SYNE1: variants seen among roughly 807,000 people sequenced by gnomAD.
The protein encoded by SYNE1 is spectrin repeat containing nuclear envelope protein 1, also known as nesprin-1.
SYNE1 carries 616 observed loss-of-function variants against 1,111.0 expected under a neutral mutation model. That is an observed-to-expected ratio of 0.55 (90% CI 0.52 to 0.59). SYNE1 has a LOEUF of 0.59. Among genes scored for constraint, SYNE1 ranks in the 20% least tolerant of loss-of-function variants. SYNE1 has a pLI of 0.00. For synonymous variants in SYNE1, 3,855 were observed against 3,825.8 expected (o/e 1.01, Z -0.28); for missense variants, 10,006 against 10,417.0 (o/e 0.96, Z 1.72).
In SYNE1 at chr6:152,318,217, A is replaced by T. The variant is rs746338402; in HGVS notation, c.16436T>A (p.Leu5479Ter). 1 of 1,614,182 alleles carries T rather than the reference A, an allele frequency of 6.2e-7. No individual in the cohort carries two copies. Among genetic ancestry groups the T allele is most frequent in the Non-Finnish European group, 8.5e-7 (1 of 1,180,038 alleles). Residue 5479 changes from leucine (L) to a stop codon, truncating the protein, a stop_gained, in exon 86 of 146, where the codon TTA (leucine) becomes TAA (stop). Transcript: ENST00000367255. LOFTEE classifies it high-confidence loss of function. ...LDGCNSKLMELDAAVQKFLEQ... is the reference protein window; with the variant it reads ...LDGCNSKLME ...CAAGAATTTCTGTACTGCTGCATCT[A>T]ATTCCATTAACTTTGAATTACAGCC...
chr6:152,446,108 A>ATTTT (rs11351100), intron 29 of SYNE1, among the ~76,000 whole-genome samples: 1 of 129,504 alleles, frequency 7.7e-6, no homozygotes. Context: ...AAGACAGTCA[A>ATTTT]TTTTTTTTTT....
Position 152,391,356 on chromosome 6 carries a change from G to C in SYNE1, c.7925C>G (p.Ala2642Gly). 3 of 1,614,074 alleles carry C rather than the reference G, an allele frequency of 1.9e-6. No individual in the cohort carries two copies. Among genetic ancestry groups the C allele is most frequent in the Non-Finnish European group, 2.5e-6 (3 of 1,180,010 alleles). Reference protein sequence around the residue: ...ALQSMWFWVKAIQDRLACAES... With the variant: ...ALQSMWFWVKGIQDRLACAES... ...TGCACAGGCCAGTCTGTCCTGAATG[G>C]CCTTCACCCAGAACCACATGCTTTG... Residue 2642 changes from alanine (A) to glycine (G), a missense_variant, in exon 52 of 146, where the codon GCC becomes GGC. Coordinates refer to ENST00000367255, the MANE Select transcript of SYNE1 (RefSeq NM_182961.4).
At chr6:152,264,377 GA>G (rs912743988) in intron 100 of SYNE1, among the ~76,000 whole-genome samples, 3 of 149,984 alleles carry the variant, frequency 2.0e-5, no homozygotes, top group Admixed American at 6.7e-5. Context: ...TTGCTCAAGT[GA>G]AAAAAAAAGA....
intron 137 of SYNE1, 71 bp downstream of exon 137, chr6:152,147,974 A>G (rs910632571): frequency 3.8e-5 from 49 of 1,300,838 alleles, no homozygotes; most frequent in Non-Finnish European, 4.3e-5. Flanking sequence ...GATAGCTGTC[A>G]TGTTTCCAGG....
chr6:152,233,614 C>T (rs960012385), intron 112 of SYNE1, among the ~76,000 whole-genome samples, 167 bp downstream of exon 112: 3 of 152,128 alleles, frequency 2.0e-5, no homozygotes, highest in East Asian at 1.9e-4. Flanking sequence ...TGCGAGCCAC[C>T]GCGCCCGGCC....
chr6:152,397,555 A>G (rs996019935), intron 49 of SYNE1, among the ~76,000 whole-genome samples: 1 of 152,148 alleles, frequency 6.6e-6, no homozygotes, highest in Non-Finnish European at 1.5e-5. Flanking sequence ...AAAGGAGACA[A>G]TTCTACATCT....
intron 74 of SYNE1, among the ~76,000 whole-genome samples, chr6:152,342,246 C>A (rs1477762879): frequency 6.6e-6 from 1 of 152,206 alleles, no homozygotes; most frequent in Non-Finnish European, 1.5e-5. Flanking sequence ...TTAATACTTT[C>A]TTCTCCCTTT....
Position 152,358,384 on chromosome 6 carries a change from G to T in SYNE1, c.10597C>A (p.Arg3533Ser), listed in dbSNP as rs776816480. The T allele has an allele frequency of 8.1e-6, 13 of 1,614,086 alleles. No individual in the cohort carries two copies. The highest frequency in any genetic ancestry group is 1.0e-5 in the Non-Finnish European group (12 of 1,179,994). The change falls in exon 66 of 146, where the codon CGT becomes AGT. Residue 3533 changes from arginine to serine, a missense_variant. Coordinates refer to ENST00000367255, the MANE Select transcript of SYNE1 (RefSeq NM_182961.4). The part of the protein sequence containing the change: ...GDAHTHETTL[R>S]DLQELQVHCA... ...AAAGGAGGCCTTACCTGAAGATCAC[G>T]CAATGTTGTCTCATGAGTGTGGGCA...
chr6:152,344,048 C>T, intron 74 of SYNE1, 33 bp downstream of exon 74: 2 of 1,613,910 alleles, frequency 1.2e-6, no homozygotes, highest in Non-Finnish European at 1.7e-6. Flanking sequence ...GAATGATTCA[C>T]AAGAATAACA....
At chr6:152,246,586 C>T (rs963990941) in intron 105 of SYNE1, among the ~76,000 whole-genome samples, 2 of 151,744 alleles carry the variant, frequency 1.3e-5, no homozygotes, top group Non-Finnish European at 2.9e-5. Context: ...GGGTTGAACC[C>T]GAGTATCTGA....
At position 152,328,509 on chromosome 6, in the gene SYNE1, G is replaced by A. The variant is rs190578206; in HGVS notation, c.14955+1221C>T. Among the ~76,000 whole-genome samples the A allele has an allele frequency of 1.6e-3, 237 of 151,474 alleles. 2 individuals carry two copies. Among genetic ancestry groups the A allele is most frequent in the African/African-American group, 5.6e-3 (233 of 41,290 alleles). On this transcript the variant is annotated intron_variant, in intron 78 of 145. Transcript: ENST00000367255. The stretch of plus-strand genomic sequence containing the variant: ...CAACCTCTGCCTCCTGGGTTTAAGC[G>A]ATTTTACTGCCTCAGCCTCCCAAAT...
chr6:152,133,557 G>A, intron 142 of SYNE1, 69 bp from the exon 143 acceptor site: 2 of 1,465,036 alleles, frequency 1.4e-6, no homozygotes, highest in Middle Eastern at 1.7e-4. Flanking sequence ...CAAAAGTGCA[G>A]AATGCAATCA....
intron 3 of SYNE1, among the ~76,000 whole-genome samples, chr6:152,568,509 G>A (rs2099428672): frequency 6.6e-6 from 1 of 151,960 alleles, no homozygotes; most frequent in East Asian, 1.9e-4. Context: ...CACCATCTTG[G>A]CTAGAGTGGT....
At chr6:152,291,789 G>A (rs1045385483) in intron 95 of SYNE1, among the ~76,000 whole-genome samples, 1 of 152,174 alleles carries the variant, frequency 6.6e-6, no homozygotes, top group Non-Finnish European at 1.5e-5. Context: ...GCTGGAGAGA[G>A]GGTCAAACTA....
chr6:152,341,424 T>G (rs557605381), intron 74 of SYNE1, among the ~76,000 whole-genome samples: 1 of 152,372 alleles, frequency 6.6e-6, no homozygotes, highest in African/African-American at 2.4e-5. Context: ...AAACGATGTT[T>G]GCTAAAATCA....
intron 95 of SYNE1, among the ~76,000 whole-genome samples, chr6:152,293,371 C>T (rs570913413): frequency 6.6e-6 from 1 of 152,162 alleles, no homozygotes. Flanking sequence ...CTGCATGTCT[C>T]TCTCTCTCTC....
chr6:152,429,820 G>T (rs1261842710), intron 36 of SYNE1, among the ~76,000 whole-genome samples: 1 of 152,220 alleles, frequency 6.6e-6, no homozygotes, highest in East Asian at 1.9e-4. Flanking sequence ...CTGGCAAGAG[G>T]TAACAGGGTT....
At chr6:152,182,416 C>T (rs185594016) in intron 128 of SYNE1, among the ~76,000 whole-genome samples, 1 of 152,146 alleles carries the variant, frequency 6.6e-6, no homozygotes, top group Admixed American at 6.5e-5. Context: ...TTTATTTTAC[C>T]CCCAACATTT....
At chr6:152,607,351 G>A (rs1231932769) in intron 3 of SYNE1, among the ~76,000 whole-genome samples, 2 of 152,042 alleles carry the variant, frequency 1.3e-5, no homozygotes, top group Non-Finnish European at 2.9e-5. Context: ...ACTACAGTGA[G>A]TAAGGAAGTC....
Sources: gnomAD v4.1 joint callset for allele counts (sites outside exome capture counted in the v4.1 genomes callset) on GRCh38, gnomAD v4.1.1 for gene constraint, MANE v1.5 for transcripts, NCBI Gene and HGNC (gene_info 2026-07-23, HGNC 2026-07-21) for gene names.